TENM3: variants seen among roughly 807,000 people sequenced by gnomAD.
TENM3 encodes teneurin transmembrane protein 3.
In TENM3, 63 loss-of-function variants were observed where a neutral mutation model predicts 255.1. That is an observed-to-expected ratio of 0.25 (90% CI 0.20 to 0.30). The LOEUF (loss-of-function observed/expected upper bound fraction) is 0.30. Among genes scored for constraint, TENM3 ranks in the 10% least tolerant of loss-of-function variants. The probability of loss-of-function intolerance (pLI) is 1.00; values close to 1 mark genes in which losing one functional copy is unlikely to be tolerated. For synonymous variants in TENM3, 1,306 were observed against 1,322.3 expected, an observed-to-expected ratio of 0.99 and a Z score of 0.27; for missense variants, 2,929 against 3,461.1, an observed-to-expected ratio of 0.85 and a Z score of 3.86.
chr4:181,697,982 A>G, the TENM3 span, among the ~76,000 whole-genome samples: 1 of 152,086 alleles, frequency 6.6e-6, no homozygotes, highest in African/African-American at 2.4e-5. Flanking sequence ...TGGGAGGCCA[A>G]GGCGGGCGGA....
At chr4:181,505,103 G>A in the TENM3 span, among the ~76,000 whole-genome samples, 1 of 152,256 alleles carries the variant, frequency 6.6e-6, no homozygotes, top group African/African-American at 2.4e-5. Context: ...AAATGACCTC[G>A]AGACACCAAT....
In TENM3 at chr4:182,544,201, A is replaced by AT. The variant is rs766125520; in HGVS notation, c.512-56723_512-56722insT. Among the ~76,000 whole-genome samples the AT allele has an allele frequency of 3.3e-5, 5 of 152,234 alleles. No homozygotes were observed. The South Asian group carries it at 6.2e-4, about 19-fold the overall frequency. On this transcript the variant is annotated intron_variant, in intron 3 of 27. Transcript: ENST00000511685. ...TTAGTTGATTGTGCAGAAAGAGAGCAGTACTCTGCCCTACCCTATTCTGTG... is the reference window on the plus strand; with the variant it reads ...TTAGTTGATTGTGCAGAAAGAGAGCATGTACTCTGCCCTACCCTATTCTGTG...
chr4:182,187,442 G>C (rs1008205419), intron 1 of TENM3, among the ~76,000 whole-genome samples: 1 of 152,126 alleles, frequency 6.6e-6, no homozygotes, highest in South Asian at 2.1e-4. Flanking sequence ...GTCAAAGGAG[G>C]TTAAAATTTT....
chr4:182,370,971 AT>A (rs924962106), intron 3 of TENM3, among the ~76,000 whole-genome samples: 21 of 151,618 alleles, frequency 1.4e-4, no homozygotes, highest in Non-Finnish European at 2.1e-4. Flanking sequence ...GTTTAATTAA[AT>A]TTTTTTTTCC....
the TENM3 span, among the ~76,000 whole-genome samples, chr4:181,470,786 A>G: frequency 0.2 from 30,900 of 152,088 alleles, 3,331 homozygotes; most frequent in Middle Eastern, 0.25. Context: ...TTGGAAAGTC[A>G]AATTCCAACA....
At chr4:182,353,763 T>G (rs902994647) in intron 3 of TENM3, among the ~76,000 whole-genome samples, 22 of 152,084 alleles carry the variant, frequency 1.4e-4, no homozygotes, top group African/African-American at 4.1e-4. Flanking sequence ...GTCAGGAGTT[T>G]GAGACCAGCC....
chr4:181,625,820 A>AT, the TENM3 span, among the ~76,000 whole-genome samples: 86 of 147,868 alleles, frequency 5.8e-4, no homozygotes, highest in African/African-American at 2.0e-3. Flanking sequence ...TCTCAAAAAA[A>AT]AATAATAATA....
chr4:182,524,840 CAAAAAAAA>C (rs11354238), intron 3 of TENM3, among the ~76,000 whole-genome samples: 7 of 122,924 alleles, frequency 5.7e-5, no homozygotes, highest in Non-Finnish European at 1.0e-4. Flanking sequence ...TCTGTCTCTA[CAAAAAAAA>C]AAAAAAAGAA....
the TENM3 span, among the ~76,000 whole-genome samples, chr4:181,588,189 T>C: frequency 6.6e-6 from 1 of 152,168 alleles, no homozygotes; most frequent in Non-Finnish European, 1.5e-5. Context: ...CCCGCAAGAA[T>C]GCCCTGCGGT....
the TENM3 span, among the ~76,000 whole-genome samples, chr4:181,782,926 C>A: frequency 6.6e-6 from 1 of 152,166 alleles, no homozygotes; most frequent in African/African-American, 2.4e-5. Flanking sequence ...TGTAGTTGAG[C>A]GGTTTTGAGT....
chr4:182,366,979 G>C lies in TENM3; in HGVS notation c.511+20050G>C, dbSNP rs114545372. ...TGAGAGTTCGTTTTAAGGAATAAAAGACATCCTTTGCTGTCAAGCTTATAG... is the reference window on the plus strand; with the variant it reads ...TGAGAGTTCGTTTTAAGGAATAAAACACATCCTTTGCTGTCAAGCTTATAG... On this transcript the variant is annotated intron_variant, in intron 3 of 27. Transcript: ENST00000511685. Among the ~76,000 whole-genome samples the C allele has an allele frequency of 3.4e-3, 522 of 152,136 alleles. 4 individuals are homozygous for C. Among genetic ancestry groups the C allele is most frequent in the African/African-American group, 0.012 (491 of 41,504 alleles).
chr4:181,477,604 C>T, the TENM3 span, among the ~76,000 whole-genome samples: 1 of 152,134 alleles, frequency 6.6e-6, no homozygotes, highest in Admixed American at 6.6e-5. Context: ...TATGACCTGA[C>T]TGTTGCTTTC....
intron 12 of TENM3, 66 bp from the exon 13 acceptor site, chr4:182,714,021 C>T: frequency 1.4e-6 from 2 of 1,381,860 alleles, no homozygotes; most frequent in South Asian, 2.4e-5. Flanking sequence ...TGTCCCTTAT[C>T]TGTTTATTTT....
the TENM3 span, among the ~76,000 whole-genome samples, chr4:181,935,051 A>T: frequency 6.6e-6 from 1 of 152,250 alleles, no homozygotes; most frequent in Non-Finnish European, 1.5e-5. Context: ...TGAATTACAC[A>T]TGGCTCACAC....
chr4:182,501,373 T>G (rs911512416), intron 3 of TENM3, among the ~76,000 whole-genome samples: 13 of 135,368 alleles, frequency 9.6e-5, no homozygotes, highest in Admixed American at 1.5e-4. Flanking sequence ...TGTCTAAAAG[T>G]GGGGGGGGGG....
intron 1 of TENM3, chr4:182,169,391 T>G (rs1489516406): frequency 2.2e-6 from 1 of 446,926 alleles, no homozygotes; most frequent in African/African-American, 2.1e-5. Context: ...AAAATTCAAG[T>G]AAAAATCTGC....
chr4:182,342,667 A>G (rs900440980), intron 2 of TENM3, among the ~76,000 whole-genome samples: 2 of 152,172 alleles, frequency 1.3e-5, no homozygotes, highest in Non-Finnish European at 2.9e-5. Context: ...TTTTAAAGGA[A>G]CAAACAAGCA....
chr4:182,637,182 T>G (rs1268566824), intron 5 of TENM3, among the ~76,000 whole-genome samples: 1 of 152,208 alleles, frequency 6.6e-6, no homozygotes, highest in Non-Finnish European at 1.5e-5. Context: ...ATAAAACCTT[T>G]AAGTTTCATG....
chr4:182,657,820 G>A (rs1391313952), intron 6 of TENM3, among the ~76,000 whole-genome samples: 1 of 151,976 alleles, frequency 6.6e-6, no homozygotes, highest in African/African-American at 2.4e-5. Flanking sequence ...CACCATGCCT[G>A]GCTAATTTTT....
Sources: gnomAD v4.1 joint callset for allele counts (sites outside exome capture counted in the v4.1 genomes callset) on GRCh38, gnomAD v4.1.1 for gene constraint, MANE v1.5 for transcripts, NCBI Gene and HGNC (gene_info 2026-07-23, HGNC 2026-07-21) for gene names.